The following ZFAND3 variants were observed in gnomAD, a reference collection of about 807,000 sequenced individuals.
ZFAND3 encodes AN1-type zinc finger protein 3.
ZFAND3 carries 10 observed loss-of-function variants against 29.6 expected under a neutral mutation model. The observed-to-expected ratio is 0.34, with a 90% CI of 0.21 to 0.57. ZFAND3 has a LOEUF of 0.57. Ranked by LOEUF, ZFAND3 falls within the 20% of genes least tolerant of loss-of-function variation. The probability of loss-of-function intolerance (pLI) is 0.86; values close to 1 mark genes in which losing one functional copy is unlikely to be tolerated. For synonymous variants in ZFAND3, 128 were observed against 112.6 expected, an observed-to-expected ratio of 1.14 and a Z score of -0.87; for missense variants, 230 against 304.5, an observed-to-expected ratio of 0.76 and a Z score of 1.82.
intron 1 of ZFAND3, among the ~76,000 whole-genome samples, chr6:37,835,347 G>C (rs1266732340): frequency 6.6e-6 from 1 of 151,956 alleles, no homozygotes. Context: ...TGTAGAGACA[G>C]GGTTTCACCA....
chr6:37,821,855 T>A (rs1432190655), intron 1 of ZFAND3, among the ~76,000 whole-genome samples: 1 of 152,128 alleles, frequency 6.6e-6, no homozygotes, highest in Non-Finnish European at 1.5e-5. Flanking sequence ...TATTTTTGAG[T>A]CGGAGCCCTG....
intron 5 of ZFAND3, among the ~76,000 whole-genome samples, chr6:38,132,372 G>A (rs1000518718): frequency 1.3e-5 from 2 of 152,170 alleles, no homozygotes; most frequent in Admixed American, 1.3e-4. Context: ...AGCCTAGTGT[G>A]GTGGCATATG....
At chr6:38,075,796 G>T (rs1445500234) in intron 3 of ZFAND3, among the ~76,000 whole-genome samples, 1 of 152,046 alleles carries the variant, frequency 6.6e-6, no homozygotes, top group Non-Finnish European at 1.5e-5. Flanking sequence ...CTGTCGCCCA[G>T]CCTGGAGTGC....
At chr6:37,942,771 A>C (rs2127417625) in intron 2 of ZFAND3, among the ~76,000 whole-genome samples, 1 of 147,012 alleles carries the variant, frequency 6.8e-6, no homozygotes, top group Admixed American at 6.7e-5. Flanking sequence ...AATTCACGTC[A>C]TAGAGAGACA....
chr6:37,860,219 A>G (rs1364117852), intron 1 of ZFAND3, among the ~76,000 whole-genome samples: 2 of 150,076 alleles, frequency 1.3e-5, no homozygotes, highest in Middle Eastern at 6.8e-3. Flanking sequence ...TAAACCCAAA[A>G]GGACCTGAGG....
intron 5 of ZFAND3, among the ~76,000 whole-genome samples, chr6:38,141,651 G>T (rs1328389709): frequency 6.6e-6 from 1 of 152,214 alleles, no homozygotes; most frequent in Non-Finnish European, 1.5e-5. Context: ...TTCAGAGGAA[G>T]ATTTCCACAT....
At position 37,886,847 on chromosome 6, in the gene ZFAND3, C is replaced by A. The variant is rs2024908; in HGVS notation, c.72-43112C>A. Among the ~76,000 whole-genome samples the A allele has an allele frequency of 1.2e-3, 182 of 152,100 alleles. 1 individual carries two copies. The South Asian group carries it at 0.012, about 10-fold the overall frequency. ...CAGTCTCTACTAAAAAAACAAAAAA[C>A]CCCAAAATTAGCCAGGTGTGGTGGC... is the stretch of plus-strand genomic sequence containing the variant. On this transcript the variant is annotated intron_variant, in intron 1 of 5. Transcript: ENST00000287218.
At chr6:38,062,956 G>A (rs1764271359) in intron 3 of ZFAND3, among the ~76,000 whole-genome samples, 1 of 151,754 alleles carries the variant, frequency 6.6e-6, no homozygotes, top group Non-Finnish European at 1.5e-5. Context: ...AGGCGTGGTG[G>A]TGTGTGTTTA....
intron 1 of ZFAND3, among the ~76,000 whole-genome samples, chr6:37,841,705 G>A (rs1032056754): frequency 1.3e-5 from 2 of 152,086 alleles, no homozygotes; most frequent in East Asian, 1.9e-4. Flanking sequence ...GGATGGTCTC[G>A]ATCTCCTCAC....
chr6:37,906,504 A>AC (rs1395582105), intron 1 of ZFAND3, among the ~76,000 whole-genome samples: 1 of 152,080 alleles, frequency 6.6e-6, no homozygotes, highest in Non-Finnish European at 1.5e-5. Flanking sequence ...ATGCATGTAT[A>AC]AGTTTTTGTT....
At chr6:37,955,082 C>G (rs1762063096) in intron 2 of ZFAND3, among the ~76,000 whole-genome samples, 1 of 152,050 alleles carries the variant, frequency 6.6e-6, no homozygotes, top group Non-Finnish European at 1.5e-5. Context: ...TCTTCCAGTA[C>G]TCTGTCCTGC....
intron 1 of ZFAND3, among the ~76,000 whole-genome samples, chr6:37,828,775 C>G (rs569982281): frequency 6.6e-6 from 1 of 152,146 alleles, no homozygotes; most frequent in Non-Finnish European, 1.5e-5. Context: ...CTCAGCCTCC[C>G]GAGTAGCTGG....
At chr6:37,952,441 GT>G in intron 2 of ZFAND3, among the ~76,000 whole-genome samples, 1 of 152,156 alleles carries the variant, frequency 6.6e-6, no homozygotes, top group Non-Finnish European at 1.5e-5. Context: ...GAGGTTTTAT[GT>G]TTATAGTAAT....
At chr6:37,907,001 TG>T (rs1172484761) in intron 1 of ZFAND3, among the ~76,000 whole-genome samples, 1 of 152,164 alleles carries the variant, frequency 6.6e-6, no homozygotes, top group African/African-American at 2.4e-5. Flanking sequence ...AATAAAGGAC[TG>T]GACTTCATTA....
intron 2 of ZFAND3, among the ~76,000 whole-genome samples, chr6:38,028,482 T>C (rs1041544435): frequency 6.6e-6 from 1 of 152,194 alleles, no homozygotes; most frequent in Non-Finnish European, 1.5e-5. Context: ...CAAATTTGAA[T>C]GTATAGTGGT....
intron 1 of ZFAND3, among the ~76,000 whole-genome samples, chr6:37,832,767 C>T (rs1763887896): frequency 6.6e-6 from 1 of 152,158 alleles, no homozygotes; most frequent in Non-Finnish European, 1.5e-5. Context: ...GCCTCGAACT[C>T]CTGGGCTTAA....
intron 2 of ZFAND3, among the ~76,000 whole-genome samples, chr6:37,955,410 T>A (rs1405000319): frequency 6.6e-6 from 1 of 152,192 alleles, no homozygotes; most frequent in Admixed American, 6.5e-5. Context: ...TAAGGGACTT[T>A]CCGCTGTCCT....
At chr6:38,095,984 G>A (rs1764970314) in intron 4 of ZFAND3, among the ~76,000 whole-genome samples, 1 of 152,000 alleles carries the variant, frequency 6.6e-6, no homozygotes, top group Non-Finnish European at 1.5e-5. Context: ...AGCGAGCCAT[G>A]ATTGCACCAC....
At chr6:37,901,086 C>T (rs771336278) in intron 1 of ZFAND3, among the ~76,000 whole-genome samples, 7 of 152,018 alleles carry the variant, frequency 4.6e-5, no homozygotes, top group Non-Finnish European at 7.4e-5. Flanking sequence ...GAAAGATAGG[C>T]TACTGTGGTG....
Sources: allele counts gnomAD v4.1 joint callset (sites outside exome capture counted in the v4.1 genomes callset), GRCh38; gene constraint gnomAD v4.1.1; transcripts MANE v1.5; gene names NCBI Gene and HGNC (gene_info 2026-07-23, HGNC 2026-07-21).